Variants in RTL4 observed in about 807,000 individuals in gnomAD.
The protein encoded by RTL4 is retrotransposon Gag like 4, also known as retrotransposon Gag-like protein 4.
Under a neutral mutation model 5.3 loss-of-function variants are expected in RTL4, and 4 were observed. The ratio of observed to expected loss-of-function variants is 0.75; its 90% CI spans 0.37 to 1.72. RTL4 has a LOEUF of 1.72. RTL4 is among the 40% of genes most tolerant of loss of function. RTL4 has a pLI of 0.04. For missense variants in RTL4, 260 were observed against 227.1 expected, an observed-to-expected ratio of 1.14 and a Z score of -0.93; for synonymous variants, 98 against 87.3, an observed-to-expected ratio of 1.12 and a Z score of -0.68.
the RTL4 span, among the ~76,000 whole-genome samples, chrX:112,098,907 G>T: frequency 4.5e-5 from 5 of 112,164 alleles, no homozygotes; most frequent in Non-Finnish European, 7.5e-5. Flanking sequence ...AGACTTACAT[G>T]TTAGACCTAA....
the RTL4 span, among the ~76,000 whole-genome samples, chrX:112,408,454 A>G: frequency 1.1e-5 from 1 of 89,609 alleles, no homozygotes; most frequent in Admixed American, 1.4e-4. Flanking sequence ...TTGAAAATGA[A>G]CAGTCAGCAG....
the RTL4 span, among the ~76,000 whole-genome samples, chrX:112,218,387 G>A: frequency 2.7e-5 from 3 of 111,911 alleles, no homozygotes; most frequent in Non-Finnish European, 5.6e-5. Context: ...CCAAAGTTAA[G>A]AGCCAGTTTG....
At chrX:112,131,847 A>C in the RTL4 span, among the ~76,000 whole-genome samples, 2 of 111,830 alleles carry the variant, frequency 1.8e-5, no homozygotes, top group African/African-American at 6.5e-5. Context: ...AGGAGAAAGA[A>C]GATTGTATCT....
chrX:112,124,774 C>T, the RTL4 span, among the ~76,000 whole-genome samples: 1 of 110,757 alleles, frequency 9.0e-6, no homozygotes, highest in Non-Finnish European at 1.9e-5. Context: ...CCTGCACGTT[C>T]TGCGCACGTA....
At chrX:112,214,749 A>G in the RTL4 span, among the ~76,000 whole-genome samples, 1 of 109,150 alleles carries the variant, frequency 9.2e-6, no homozygotes, top group Non-Finnish European at 1.9e-5. Flanking sequence ...TGTGGTTTTG[A>G]TTTGCATTTC....
At chrX:112,310,000 A>T in the RTL4 span, among the ~76,000 whole-genome samples, 1 of 104,162 alleles carries the variant, frequency 9.6e-6, no homozygotes, top group African/African-American at 3.5e-5. Context: ...GGTTGCACAG[A>T]CCCGAGATCG....
chrX:112,108,285 G>A, the RTL4 span, among the ~76,000 whole-genome samples: 2 of 111,874 alleles, frequency 1.8e-5, no homozygotes, highest in Admixed American at 9.5e-5. Flanking sequence ...TGAATTCTTT[G>A]TGTAGCAGTT....
At chrX:112,295,160 A>C in the RTL4 span, among the ~76,000 whole-genome samples, 3 of 111,915 alleles carry the variant, frequency 2.7e-5, no homozygotes, top group African/African-American at 9.7e-5. Flanking sequence ...GGATAACTTT[A>C]TTGCTTCTAA....
the RTL4 span, among the ~76,000 whole-genome samples, chrX:112,234,168 G>A: frequency 1.2e-4 from 13 of 110,455 alleles, no homozygotes; most frequent in Non-Finnish European, 1.9e-4. Flanking sequence ...CTCTAGCCTG[G>A]GCGACAGAGT....
chrX:112,105,953 G>T, the RTL4 span, among the ~76,000 whole-genome samples: 1 of 111,601 alleles, frequency 9.0e-6, no homozygotes, highest in African/African-American at 3.3e-5. Context: ...TCCTCATTTT[G>T]TTCCTGATCT....
chrX:112,185,222 A>G, the RTL4 span, among the ~76,000 whole-genome samples: 2 of 109,610 alleles, frequency 1.8e-5, no homozygotes, highest in Non-Finnish European at 3.8e-5. Flanking sequence ...CAACTTCTGC[A>G]TTATGCTCTC....
chrX:112,406,099 C>G, the RTL4 span, among the ~76,000 whole-genome samples: 1 of 111,426 alleles, frequency 9.0e-6, no homozygotes, highest in African/African-American at 3.3e-5. Flanking sequence ...CACTTGCCAC[C>G]GTGAGCCAAA....
the RTL4 span, among the ~76,000 whole-genome samples, chrX:112,280,791 G>T: frequency 2.7e-5 from 3 of 111,135 alleles, no homozygotes; most frequent in Non-Finnish European, 3.8e-5. Context: ...CACCAAACCC[G>T]GCCCTAAAAT....
At chrX:112,300,380 T>C in the RTL4 span, among the ~76,000 whole-genome samples, 10 of 112,637 alleles carry the variant, frequency 8.9e-5, no homozygotes, top group Non-Finnish European at 1.5e-4. Context: ...ATTCAACAAT[T>C]CATTAAATCA....
At chrX:112,241,772 T>C in the RTL4 span, among the ~76,000 whole-genome samples, 1 of 112,079 alleles carries the variant, frequency 8.9e-6, no homozygotes, top group Non-Finnish European at 1.9e-5. Context: ...TCCTTGCCCA[T>C]GCCTATGTCC....
chrX:112,307,779 A>G, the RTL4 span, among the ~76,000 whole-genome samples: 1 of 111,722 alleles, frequency 9.0e-6, no homozygotes, highest in African/African-American at 3.2e-5. Flanking sequence ...TCTTGTAATG[A>G]TATTTATTCT....
chrX:112,281,890 C>A, the RTL4 span, among the ~76,000 whole-genome samples: 1 of 111,826 alleles, frequency 8.9e-6, no homozygotes, highest in Non-Finnish European at 1.9e-5. Flanking sequence ...TACTATTAAT[C>A]CCTTTTCAGA....
chrX:112,220,786 C>A, the RTL4 span, among the ~76,000 whole-genome samples: 7 of 112,062 alleles, frequency 6.2e-5, no homozygotes, highest in African/African-American at 2.3e-4. Context: ...TAGTTCCCAA[C>A]AAGTTCCTCA....
chrX:112,401,618 CT>C, the RTL4 span, among the ~76,000 whole-genome samples: 110 of 107,918 alleles, frequency 1.0e-3, no homozygotes, highest in Non-Finnish European at 1.8e-3. Context: ...AAATTCTAGA[CT>C]TTTTTTTTAC....
Sources: gnomAD v4.1 joint callset for allele counts (sites outside exome capture counted in the v4.1 genomes callset) on GRCh38, gnomAD v4.1.1 for gene constraint, MANE v1.5 for transcripts, NCBI Gene and HGNC (gene_info 2026-07-23, HGNC 2026-07-21) for gene names.